SDC2: variants seen among roughly 807,000 people sequenced by gnomAD.
SDC2 encodes syndecan 2.
A neutral mutation model predicts 22.2 loss-of-function variants in SDC2; 13 were observed. That is an observed-to-expected ratio of 0.59 (90% confidence interval 0.38 to 0.93). SDC2 has a LOEUF of 0.93. Among genes scored for constraint, SDC2 ranks in the 40% least tolerant of loss-of-function variants. The pLI is 0.00. For synonymous variants in SDC2, 94 were observed against 92.8 expected (o/e 1.01, Z -0.07); for missense variants, 235 against 246.8 (o/e 0.95, Z 0.32).
At chr8:96,532,673 C>T (rs2130488943) in intron 1 of SDC2, among the ~76,000 whole-genome samples, 1 of 152,138 alleles carries the variant, frequency 6.6e-6, no homozygotes, top group South Asian at 2.1e-4. Context: ...CCCAAAAAAA[C>T]ACACTGTGAG....
intron 3 of SDC2, among the ~76,000 whole-genome samples, chr8:96,603,177 C>T (rs1192342215): frequency 1.3e-5 from 2 of 152,186 alleles, no homozygotes; most frequent in Non-Finnish European, 2.9e-5. Flanking sequence ...TAATAGGTAA[C>T]CCACTGAAGT....
At chr8:96,533,985 C>T (rs914799250) in intron 1 of SDC2, among the ~76,000 whole-genome samples, 3 of 152,174 alleles carry the variant, frequency 2.0e-5, no homozygotes, top group African/African-American at 7.2e-5. Flanking sequence ...GGTGAGAATT[C>T]GAGTGCAGTG....
At chr8:96,507,823 C>A (rs1813265335) in intron 1 of SDC2, among the ~76,000 whole-genome samples, 1 of 152,264 alleles carries the variant, frequency 6.6e-6, no homozygotes, top group African/African-American at 2.4e-5. Flanking sequence ...TACCCAATTC[C>A]TTTTGCCAAT....
chr8:96,540,052 G>A lies in SDC2; in HGVS notation c.60+45721G>A, dbSNP rs1242069119. Among the ~76,000 whole-genome samples the A allele has an allele frequency of 2.0e-5, 3 of 151,966 alleles. No individual in the cohort carries two copies. In the East Asian group the frequency reaches 5.8e-4, roughly 30 times the overall value. ...TTAAAACCAGTCAAGCCTCCAGTAAGTTTCAAGAAATAGGAAGAAAAATGT... is the reference window on the plus strand; with the variant it reads ...TTAAAACCAGTCAAGCCTCCAGTAAATTTCAAGAAATAGGAAGAAAAATGT... On this transcript the variant is annotated intron_variant, in intron 1 of 4. Transcript: ENST00000302190.
At chr8:96,561,053 G>A (rs146044792) in intron 1 of SDC2, among the ~76,000 whole-genome samples, 19 of 152,062 alleles carry the variant, frequency 1.2e-4, no homozygotes, top group Non-Finnish European at 1.9e-4. Context: ...GCAATGAGCC[G>A]AGATGGCACC....
intron 1 of SDC2, among the ~76,000 whole-genome samples, chr8:96,544,231 CT>C (rs1813897027): frequency 1.3e-5 from 2 of 152,250 alleles, no homozygotes; most frequent in South Asian, 2.1e-4. Context: ...GTGTACTTAC[CT>C]ATCTGCAAAG....
intron 2 of SDC2, among the ~76,000 whole-genome samples, chr8:96,595,059 AGGG>A (rs1363485174): frequency 3.3e-5 from 5 of 152,216 alleles, no homozygotes; most frequent in Admixed American, 2.0e-4. Flanking sequence ...AGCTCAAAAA[AGGG>A]AAGAGCTTTC....
intron 1 of SDC2, among the ~76,000 whole-genome samples, chr8:96,560,896 A>G (rs1814198472): frequency 1.3e-5 from 2 of 152,316 alleles, no homozygotes; most frequent in African/African-American, 4.8e-5. Flanking sequence ...ACTTGAGGTC[A>G]GGAGTTCGAG....
At chr8:96,525,016 A>C (rs770237081) in intron 1 of SDC2, among the ~76,000 whole-genome samples, 1 of 152,210 alleles carries the variant, frequency 6.6e-6, no homozygotes, top group Admixed American at 6.5e-5. Flanking sequence ...CTATGAAGAT[A>C]CTGGAATAAT....
At chr8:96,516,944 T>G (rs1813410817) in intron 1 of SDC2, among the ~76,000 whole-genome samples, 1 of 152,218 alleles carries the variant, frequency 6.6e-6, no homozygotes, top group Admixed American at 6.5e-5. Context: ...TTTCCATTTC[T>G]CCTGAGTATA....
intron 1 of SDC2, among the ~76,000 whole-genome samples, chr8:96,550,404 G>T (rs915830603): frequency 2.6e-5 from 4 of 152,178 alleles, no homozygotes; most frequent in Admixed American, 6.5e-5. Context: ...CACACTTCTT[G>T]TCCAAAGCAT....
intron 1 of SDC2, among the ~76,000 whole-genome samples, chr8:96,554,592 G>A (rs898044802): frequency 6.6e-6 from 1 of 152,034 alleles, no homozygotes; most frequent in Non-Finnish European, 1.5e-5. Context: ...GCCTTGCTCC[G>A]AGTGAGGTGT....
intron 3 of SDC2, among the ~76,000 whole-genome samples, chr8:96,604,479 AT>A (rs1815044383): frequency 6.6e-6 from 1 of 152,228 alleles, no homozygotes; most frequent in Non-Finnish European, 1.5e-5. Context: ...TGCAGCACTG[AT>A]AATGATAATA....
intron 1 of SDC2, among the ~76,000 whole-genome samples, chr8:96,557,472 G>A (rs1396901114): frequency 2.0e-5 from 3 of 149,518 alleles, no homozygotes; most frequent in Non-Finnish European, 4.5e-5. Flanking sequence ...CATGTCCTTT[G>A]TAGGGACATG....
At chr8:96,597,359 T>C (rs562146560) in intron 2 of SDC2, among the ~76,000 whole-genome samples, 2 of 152,272 alleles carry the variant, frequency 1.3e-5, no homozygotes, top group East Asian at 3.9e-4. Flanking sequence ...TACAGCTCTG[T>C]ATTACAAAGA....
intron 2 of SDC2, among the ~76,000 whole-genome samples, chr8:96,598,489 A>G (rs1814919514): frequency 6.6e-6 from 1 of 151,938 alleles, no homozygotes; most frequent in Non-Finnish European, 1.5e-5. Flanking sequence ...GTGGTGGCGC[A>G]TGCCTGTAAT....
At chr8:96,596,101 G>A (rs993196393) in intron 2 of SDC2, among the ~76,000 whole-genome samples, 1 of 152,216 alleles carries the variant, frequency 6.6e-6, no homozygotes, top group Non-Finnish European at 1.5e-5. Flanking sequence ...GATTCTGTTA[G>A]TATTTCGATG....
chr8:96,608,861 C>G (rs1209741868), intron 4 of SDC2, among the ~76,000 whole-genome samples: 1 of 152,020 alleles, frequency 6.6e-6, no homozygotes, highest in African/African-American at 2.4e-5. Context: ...ATAAGTACTG[C>G]CCAAAGTGTT....
intron 1 of SDC2, among the ~76,000 whole-genome samples, chr8:96,570,429 C>CAAAAACA (rs550454556): frequency 6.6e-6 from 1 of 151,846 alleles, no homozygotes; most frequent in Non-Finnish European, 1.5e-5. Flanking sequence ...TTAGAGCAGG[C>CAAAAACA]AAAAACAAAA....
Sources: allele counts gnomAD v4.1 joint callset (sites outside exome capture counted in the v4.1 genomes callset), GRCh38; gene constraint gnomAD v4.1.1; transcripts MANE v1.5; gene names NCBI Gene and HGNC (gene_info 2026-07-23, HGNC 2026-07-21).